PRP4K: variants seen among roughly 807,000 people sequenced by gnomAD.
PRP4K encodes pre-mRNA processing factor kinase PRP4K, also known as serine/threonine-protein kinase PRP4 homolog.
At chr6:4,049,895 G>A in the PRP4K span, 505 of 1,613,362 alleles carry the variant, frequency 3.1e-4, 4 homozygotes, top group African/African-American at 5.7e-3. Context: ...TTCAGAAGAC[G>A]TGAGGAAACC....
chr6:4,061,565 T>G, the PRP4K span: 8 of 152,794 alleles, frequency 5.2e-5, no homozygotes, highest in East Asian at 1.2e-3. Context: ...TATTTGTATG[T>G]CATTTTGAAA....
the PRP4K span, chr6:4,064,411 G>T: frequency 6.6e-6 from 1 of 152,424 alleles, no homozygotes; most frequent in African/African-American, 2.4e-5. Context: ...GCTATATGGG[G>T]TAGAAATAAA....
chr6:4,054,353 A>C, the PRP4K span, among the ~76,000 whole-genome samples: 57 of 152,202 alleles, frequency 3.7e-4, no homozygotes, highest in African/African-American at 1.4e-3. Context: ...CACATTAGTA[A>C]TGAGGTGTAT....
chr6:4,032,491 C>T, the PRP4K span: 4 of 1,613,852 alleles, frequency 2.5e-6, no homozygotes, highest in Non-Finnish European at 3.4e-6. Context: ...GAAAAGAAGC[C>T]AATTAAATCT....
At chr6:4,045,152 C>T in the PRP4K span, among the ~76,000 whole-genome samples, 14 of 152,300 alleles carry the variant, frequency 9.2e-5, no homozygotes, top group African/African-American at 3.4e-4. Context: ...AGCCACCACG[C>T]CCAGCTGACA....
the PRP4K span, chr6:4,032,282 C>T: frequency 1.9e-6 from 3 of 1,613,200 alleles, no homozygotes; most frequent in Non-Finnish European, 1.7e-6. Flanking sequence ...TTGGTAAGGC[C>T]AGATCTCCTA....
chr6:4,055,981 G>T, the PRP4K span, among the ~76,000 whole-genome samples: 15 of 152,208 alleles, frequency 9.9e-5, 1 homozygote, highest in Middle Eastern at 6.8e-3. Flanking sequence ...ACTTTATTCA[G>T]GTATTCAGGG....
At chr6:4,041,006 TCCACCTAAATA>T in the PRP4K span, 1 of 1,386,784 alleles carries the variant, frequency 7.2e-7, no homozygotes, top group Non-Finnish European at 9.8e-7. Context: ...TTAAATAATA[TCCACCTAAATA>T]TTATAAGTGG....
the PRP4K span, among the ~76,000 whole-genome samples, chr6:4,026,325 C>T: frequency 1.0e-5 from 1 of 98,446 alleles, no homozygotes; most frequent in Non-Finnish European, 1.9e-5. Context: ...TTTTTGGAGA[C>T]AGAGTCTTGT....
the PRP4K span, among the ~76,000 whole-genome samples, chr6:4,036,934 C>T: frequency 6.8e-5 from 10 of 146,040 alleles, no homozygotes; most frequent in Non-Finnish European, 1.0e-4. Context: ...TGCAGTGACC[C>T]GTGTTTGCGC....
chr6:4,022,762 TCTTA>T, the PRP4K span, among the ~76,000 whole-genome samples: 7 of 152,236 alleles, frequency 4.6e-5, no homozygotes, highest in African/African-American at 1.7e-4. Flanking sequence ...AGCTTTAACC[TCTTA>T]CTGTTTCTCA....
the PRP4K span, chr6:4,052,224 GTT>G: frequency 1.9e-6 from 2 of 1,027,376 alleles, no homozygotes; most frequent in South Asian, 2.2e-5. Context: ...TCTGGTTTTT[GTT>G]TTTAACTTGT....
the PRP4K span, chr6:4,021,326 G>A: frequency 1.1e-5 from 16 of 1,494,544 alleles, no homozygotes; most frequent in East Asian, 2.5e-5. Context: ...CTACACGGTC[G>A]GCACATGCGC....
chr6:4,056,940 A>G, the PRP4K span: 1 of 1,278,224 alleles, frequency 7.8e-7, no homozygotes. Flanking sequence ...GTTATAGTCC[A>G]AGCTAAGGTA....
chr6:4,041,199 A>G, the PRP4K span, among the ~76,000 whole-genome samples: 30 of 152,332 alleles, frequency 2.0e-4, no homozygotes, highest in East Asian at 5.0e-3. Flanking sequence ...TATGAACAAT[A>G]CATACATTAG....
At chr6:4,041,205 A>G in the PRP4K span, among the ~76,000 whole-genome samples, 1 of 152,210 alleles carries the variant, frequency 6.6e-6, no homozygotes, top group Non-Finnish European at 1.5e-5. Flanking sequence ...CAATACATAC[A>G]TTAGTCCTGC....
At chr6:4,051,938 ATTT>A in the PRP4K span, 1 of 1,125,390 alleles carries the variant, frequency 8.9e-7, no homozygotes, top group Non-Finnish European at 1.2e-6. Flanking sequence ...TTTTACCCCA[ATTT>A]TTTTTTTTAT....
At chr6:4,052,204 T>A in the PRP4K span, 2 of 1,228,782 alleles carry the variant, frequency 1.6e-6, no homozygotes, top group Non-Finnish European at 2.2e-6. Flanking sequence ...ATTTGTTTTA[T>A]CCACACAGCT....
At chr6:4,022,448 C>T in the PRP4K span, among the ~76,000 whole-genome samples, 1 of 91,486 alleles carries the variant, frequency 1.1e-5, no homozygotes, top group African/African-American at 4.4e-5. Flanking sequence ...GTTCCTATAG[C>T]GACCGTTTTT....
Sources: gnomAD v4.1 joint callset for allele counts (sites outside exome capture counted in the v4.1 genomes callset) on GRCh38, gnomAD v4.1.1 for gene constraint, MANE v1.5 for transcripts, NCBI Gene and HGNC (gene_info 2026-07-23, HGNC 2026-07-21) for gene names.